The following NCALD variants were observed in gnomAD, a reference collection of about 807,000 sequenced individuals.
NCALD encodes neurocalcin delta, also known as neurocalcin-delta.
A neutral mutation model predicts 18.6 loss-of-function variants in NCALD; 10 were observed. The ratio of observed to expected loss-of-function variants is 0.54; its 90% CI spans 0.33 to 0.91. The LOEUF (loss-of-function observed/expected upper bound fraction) is 0.91. Ranked by LOEUF, NCALD falls within the 40% of genes least tolerant of loss-of-function variation. The pLI is 0.03. For synonymous variants in NCALD, 88 were observed against 87.4 expected (o/e 1.01, Z -0.04); for missense variants, 184 against 247.6 (o/e 0.74, Z 1.72).
chr8:101,787,464 G>C (rs1812272575), intron 1 of NCALD, among the ~76,000 whole-genome samples: 1 of 152,100 alleles, frequency 6.6e-6, no homozygotes, highest in Admixed American at 6.6e-5. Flanking sequence ...CTTACGCGGA[G>C]ACAGTGGGTG....
At chr8:102,111,144 T>G (rs947150104) in intron 1 of NCALD, among the ~76,000 whole-genome samples, 1 of 152,140 alleles carries the variant, frequency 6.6e-6, no homozygotes, top group African/African-American at 2.4e-5. Flanking sequence ...AATATCTTAC[T>G]TTGATAATTG....
At chr8:101,777,554 T>C (rs148345786) in intron 1 of NCALD, among the ~76,000 whole-genome samples, 136 of 152,254 alleles carry the variant, frequency 8.9e-4, no homozygotes, top group African/African-American at 2.8e-3. Flanking sequence ...ATATTGATCA[T>C]ATGGTCAATC....
At chr8:101,943,341 C>T (rs1338953881) in intron 2 of NCALD, among the ~76,000 whole-genome samples, 1 of 152,154 alleles carries the variant, frequency 6.6e-6, no homozygotes, top group Non-Finnish European at 1.5e-5. Flanking sequence ...TCTAAAATGC[C>T]AGAAAACAAT....
chr8:102,033,084 T>C (rs1461441758), intron 1 of NCALD, among the ~76,000 whole-genome samples: 1 of 152,154 alleles, frequency 6.6e-6, no homozygotes, highest in Admixed American at 6.6e-5. Context: ...CTTTTGTAAG[T>C]ACCACCGATA....
chr8:101,733,557 G>A (rs972773400), intron 1 of NCALD, among the ~76,000 whole-genome samples: 11 of 152,296 alleles, frequency 7.2e-5, no homozygotes, highest in African/African-American at 2.6e-4. Flanking sequence ...GCATCTAGCA[G>A]GTGCTCGCTA....
intron 1 of NCALD, among the ~76,000 whole-genome samples, chr8:102,103,469 C>T (rs569126733): frequency 2.0e-5 from 3 of 152,264 alleles, no homozygotes; most frequent in African/African-American, 7.2e-5. Flanking sequence ...CCCATAGTGA[C>T]GCAGCTAGCA....
intron 4 of NCALD, among the ~76,000 whole-genome samples, chr8:101,863,217 G>A (rs1176431094): frequency 6.6e-6 from 1 of 152,100 alleles, no homozygotes; most frequent in Non-Finnish European, 1.5e-5. Flanking sequence ...TGCAAGGTGT[G>A]GTATAGAGGA....
At chr8:101,698,693 T>G (rs1460276465) in intron 2 of NCALD, among the ~76,000 whole-genome samples, 1 of 152,204 alleles carries the variant, frequency 6.6e-6, no homozygotes, top group Non-Finnish European at 1.5e-5. Context: ...GGATTCCCTA[T>G]TTAATAAATG....
chr8:101,952,393 G>A (rs1819463016), intron 2 of NCALD, among the ~76,000 whole-genome samples: 2 of 152,138 alleles, frequency 1.3e-5, no homozygotes, highest in Non-Finnish European at 2.9e-5. Context: ...CTCTTCCTGT[G>A]GCCTCATCTG....
At chr8:102,029,688 G>A (rs376912886) in intron 1 of NCALD, among the ~76,000 whole-genome samples, 1 of 152,270 alleles carries the variant, frequency 6.6e-6, no homozygotes, top group African/African-American at 2.4e-5. Flanking sequence ...AACTATCCAA[G>A]CTAGAGGTGA....
intron 1 of NCALD, among the ~76,000 whole-genome samples, chr8:102,050,022 C>G (rs1051330681): frequency 4.0e-5 from 6 of 149,534 alleles, no homozygotes; most frequent in South Asian, 4.3e-4. Flanking sequence ...ATTAGCCGGG[C>G]GCGGTGGCGG....
intron 2 of NCALD, among the ~76,000 whole-genome samples, chr8:101,995,428 C>T (rs1381726863): frequency 2.0e-5 from 3 of 152,158 alleles, no homozygotes; most frequent in African/African-American, 2.4e-5. Flanking sequence ...TTAATTGGCT[C>T]ACGGTTCTGC....
chr8:102,009,919 T>C (rs779628596), intron 2 of NCALD, among the ~76,000 whole-genome samples: 1 of 152,212 alleles, frequency 6.6e-6, no homozygotes, highest in Non-Finnish European at 1.5e-5. Context: ...ATGAGACACA[T>C]TCACTTCAGG....
chr8:102,034,085 C>A (rs1822779354), intron 1 of NCALD, among the ~76,000 whole-genome samples: 1 of 151,440 alleles, frequency 6.6e-6, no homozygotes, highest in South Asian at 2.1e-4. Context: ...AGGGCTATAG[C>A]AACTATGTGT....
At chr8:101,699,636 T>G (rs2130108265) in intron 2 of NCALD, among the ~76,000 whole-genome samples, 1 of 152,278 alleles carries the variant, frequency 6.6e-6, no homozygotes, top group East Asian at 1.9e-4. Context: ...CTGGAATCCA[T>G]CATCCTCAGC....
chr8:102,042,077 C>CT (rs1465478402), intron 1 of NCALD, among the ~76,000 whole-genome samples: 2 of 152,018 alleles, frequency 1.3e-5, no homozygotes, highest in Admixed American at 1.3e-4. Context: ...TGGTCTAGGC[C>CT]TAACAGTACA....
At chr8:101,999,116 A>AAAG (rs1211355758) in intron 2 of NCALD, among the ~76,000 whole-genome samples, 3 of 151,824 alleles carry the variant, frequency 2.0e-5, no homozygotes, top group Admixed American at 6.6e-5. Context: ...GTCCAGTTCT[A>AAAG]AAGACTAGTG....
intron 4 of NCALD, among the ~76,000 whole-genome samples, chr8:101,836,790 G>A (rs529559981): frequency 1.3e-5 from 2 of 152,268 alleles, no homozygotes; most frequent in South Asian, 4.1e-4. Flanking sequence ...AAGGCAAAAT[G>A]AGGTTGGCCC....
chr8:102,096,940 T>C (rs1395335378), intron 1 of NCALD, among the ~76,000 whole-genome samples: 1 of 152,248 alleles, frequency 6.6e-6, no homozygotes, highest in Non-Finnish European at 1.5e-5. Context: ...CATTTTACCG[T>C]AATTACCTCT....
Sources: allele counts gnomAD v4.1 joint callset (sites outside exome capture counted in the v4.1 genomes callset), GRCh38; gene constraint gnomAD v4.1.1; transcripts MANE v1.5; gene names NCBI Gene and HGNC (gene_info 2026-07-23, HGNC 2026-07-21).